Variants in NRG1 observed in about 807,000 individuals in gnomAD.
The protein encoded by NRG1 is neuregulin 1, also known as pro-neuregulin-1, membrane-bound isoform.
In NRG1, 18 loss-of-function variants were observed where a neutral mutation model predicts 63.8. The observed-to-expected ratio is 0.28, with a 90% CI of 0.19 to 0.42. The LOEUF is 0.42. NRG1 is among the 10% of genes least tolerant of loss of function. The probability of loss-of-function intolerance (pLI) is 1.00; values close to 1 mark genes in which losing one functional copy is unlikely to be tolerated. For synonymous variants in NRG1, 302 were observed against 301.3 expected (o/e 1.00, Z -0.02); for missense variants, 762 against 814.7 (o/e 0.94, Z 0.79).
At chr8:32,291,949 T>G (rs1854253888) in intron 1 of NRG1, among the ~76,000 whole-genome samples, 1 of 152,206 alleles carries the variant, frequency 6.6e-6, no homozygotes, top group East Asian at 1.9e-4. Context: ...TACAGGAGTT[T>G]ATAGCATACC....
intron 1 of NRG1, among the ~76,000 whole-genome samples, chr8:32,429,003 A>C (rs1390324336): frequency 6.6e-6 from 1 of 151,952 alleles, no homozygotes; most frequent in African/African-American, 2.4e-5. Flanking sequence ...TGTTCATTCC[A>C]CTCCATGTGT....
chr8:31,968,783 G>A (rs77219022), intron 1 of NRG1, among the ~76,000 whole-genome samples: 5,070 of 152,136 alleles, frequency 0.033, 205 homozygotes, highest in African/African-American at 0.096. Context: ...TTAGTTTGAG[G>A]GATATGCCAC....
intron 1 of NRG1, among the ~76,000 whole-genome samples, chr8:31,762,374 C>G (rs1233022506): frequency 6.6e-6 from 1 of 152,222 alleles, no homozygotes; most frequent in African/African-American, 2.4e-5. Flanking sequence ...AAGACATTAT[C>G]TCATTCCTTT....
chr8:31,759,458 C>T (rs1467960725), intron 1 of NRG1, among the ~76,000 whole-genome samples: 1 of 151,830 alleles, frequency 6.6e-6, no homozygotes, highest in Non-Finnish European at 1.5e-5. Flanking sequence ...ATATACATAT[C>T]CACTTATTCT....
At chr8:32,760,645 T>C in intron 11 of NRG1, 1 of 1,318,416 alleles carries the variant, frequency 7.6e-7, no homozygotes, top group Non-Finnish European at 9.7e-7. Context: ...GCTGGGATGC[T>C]TTGATGCGGA....
intron 1 of NRG1, among the ~76,000 whole-genome samples, chr8:31,912,566 CTTTTTTTTTTT>C (rs3052846): frequency 5.7e-5 from 6 of 105,630 alleles, no homozygotes; most frequent in Admixed American, 2.0e-4. Flanking sequence ...TTTAGAAATG[CTTTTTTTTTTT>C]TTTTTTTTTT....
intron 1 of NRG1, among the ~76,000 whole-genome samples, chr8:31,708,516 G>A (rs1374038173): frequency 6.7e-6 from 1 of 149,402 alleles, no homozygotes; most frequent in African/African-American, 2.5e-5. Flanking sequence ...CGGGATCTCG[G>A]CTCACTGCAA....
chr8:32,598,285 G>A (rs1032561976), intron 2 of NRG1, among the ~76,000 whole-genome samples: 1 of 152,032 alleles, frequency 6.6e-6, no homozygotes, highest in African/African-American at 2.4e-5. Flanking sequence ...CTAGAAGAAA[G>A]CATCTCACAT....
intron 1 of NRG1, among the ~76,000 whole-genome samples, chr8:32,322,861 G>GT (rs1801576515): frequency 1.6e-5 from 1 of 62,668 alleles, no homozygotes; most frequent in Non-Finnish European, 4.0e-5. Context: ...CAATTCTCTG[G>GT]GTTTTTTTTT....
At chr8:32,207,907 T>G (rs1489751087) in intron 1 of NRG1, among the ~76,000 whole-genome samples, 1 of 152,174 alleles carries the variant, frequency 6.6e-6, no homozygotes, top group Non-Finnish European at 1.5e-5. Context: ...TAGCAGACAT[T>G]CTCACTCCCT....
At chr8:32,010,684 C>T (rs937193418) in intron 1 of NRG1, among the ~76,000 whole-genome samples, 3 of 152,066 alleles carry the variant, frequency 2.0e-5, no homozygotes, top group Non-Finnish European at 2.9e-5. Context: ...TTGGCTCTCC[C>T]AGCATTACCC....
chr8:32,693,291 G>T (rs181108659), intron 5 of NRG1, among the ~76,000 whole-genome samples: 21 of 149,762 alleles, frequency 1.4e-4, no homozygotes, highest in Admixed American at 3.3e-4. Flanking sequence ...CAATCTCGGC[G>T]CACTGCAACC....
chr8:32,697,416 G>C (rs919601685), intron 5 of NRG1, among the ~76,000 whole-genome samples: 1 of 152,146 alleles, frequency 6.6e-6, no homozygotes, highest in Admixed American at 6.5e-5. Context: ...ACAAATTAGA[G>C]GATTGCTTAG....
At chr8:32,549,256 G>T (rs565565212) in intron 1 of NRG1, among the ~76,000 whole-genome samples, 4 of 152,242 alleles carry the variant, frequency 2.6e-5, no homozygotes, top group Non-Finnish European at 5.9e-5. Context: ...GGAATGGGCC[G>T]CCTGGAGGGA....
At chr8:32,354,712 GTAAATAAATAAATAAATAAATAAA>G (rs10569340) in intron 1 of NRG1, among the ~76,000 whole-genome samples, 2 of 142,450 alleles carry the variant, frequency 1.4e-5, no homozygotes, top group Non-Finnish European at 3.0e-5. Flanking sequence ...CTTGTCTCTA[GTAAATAAATAAATAAATAAATAAA>G]TAAATAAATA....
intron 5 of NRG1, chr8:32,647,715 C>A (rs1300906866): frequency 1.3e-6 from 2 of 1,550,196 alleles, no homozygotes; most frequent in East Asian, 2.3e-5. Context: ...TGGAGGTGAG[C>A]CGATGGAGAT....
In NRG1 at chr8:31,954,137, C is replaced by T. The variant is rs192324913; in HGVS notation, c.37+314706C>T. On this transcript the variant is annotated intron_variant, in intron 1 of 10. Transcript: ENST00000519301. ...CATCCTTCTTTTTCCCATCCCTCCT[C>T]TATACCCCATCTTTTGTTGCCCTAG... is the stretch of plus-strand genomic sequence containing the variant. Among the ~76,000 whole-genome samples, 845 of 152,318 alleles carry T rather than the reference C, an allele frequency of 5.5e-3. 3 individuals are homozygous for T. The highest frequency in any genetic ancestry group is 8.4e-3 in the Non-Finnish European group (573 of 68,024).
chr8:32,427,519 C>A (rs1435287056), intron 1 of NRG1, among the ~76,000 whole-genome samples: 1 of 152,178 alleles, frequency 6.6e-6, no homozygotes, highest in East Asian at 1.9e-4. Context: ...GAGCCAAAGA[C>A]AGCTTGTGCC....
At chr8:31,934,146 C>T (rs1487968511) in intron 1 of NRG1, among the ~76,000 whole-genome samples, 1 of 152,080 alleles carries the variant, frequency 6.6e-6, no homozygotes, top group Non-Finnish European at 1.5e-5. Context: ...AGCTGAGAAC[C>T]ACCTTAGTCT....
Sources: allele counts gnomAD v4.1 joint callset (sites outside exome capture counted in the v4.1 genomes callset), GRCh38; gene constraint gnomAD v4.1.1; transcripts MANE v1.5; gene names NCBI Gene and HGNC (gene_info 2026-07-23, HGNC 2026-07-21).